The following YY1 variants were observed in gnomAD, a reference collection of about 807,000 sequenced individuals.
YY1 encodes the protein YY1 transcription factor, also known as transcriptional repressor protein YY1.
A neutral mutation model predicts 35.6 loss-of-function variants in YY1; 2 were observed. The observed-to-expected ratio is 0.06, with a 90% CI of 0.02 to 0.18. YY1 has a LOEUF of 0.18. Ranked by LOEUF, YY1 falls within the 10% of genes least tolerant of loss-of-function variation. The pLI is 1.00. For missense variants in YY1, 322 were observed against 573.4 expected (o/e 0.56, Z 4.48); for synonymous variants, 268 against 238.9 (o/e 1.12, Z -1.12).
intron 1 of YY1, among the ~76,000 whole-genome samples, chr14:100,252,130 G>GC (rs1007456872): frequency 4.0e-4 from 61 of 152,308 alleles, no homozygotes; most frequent in African/African-American, 1.3e-3. Flanking sequence ...TTTGCTTGGA[G>GC]CGTGGAGGGC....
At chr14:100,246,207 A>G (rs1890830831) in intron 1 of YY1, among the ~76,000 whole-genome samples, 1 of 152,156 alleles carries the variant, frequency 6.6e-6, no homozygotes, top group Admixed American at 6.5e-5. Context: ...CCATTTCCAT[A>G]CATGGGTTTT....
intron 1 of YY1, among the ~76,000 whole-genome samples, chr14:100,255,786 C>T (rs1209575931): frequency 6.6e-6 from 1 of 152,182 alleles, no homozygotes; most frequent in African/African-American, 2.4e-5. Flanking sequence ...GCACTTGATA[C>T]GTCACTGAGT....
chr14:100,243,643 AC>A (rs1172238410), intron 1 of YY1, among the ~76,000 whole-genome samples: 3 of 151,688 alleles, frequency 2.0e-5, no homozygotes, highest in Admixed American at 2.0e-4. Context: ...AAAACAAAAA[AC>A]CCCACAAAAA....
chr14:100,246,307 G>A (rs770122552), intron 1 of YY1, among the ~76,000 whole-genome samples: 4 of 152,190 alleles, frequency 2.6e-5, no homozygotes, highest in African/African-American at 7.2e-5. Context: ...ATTCTGTCCC[G>A]TGCCAGTCAG....
chr14:100,242,949 C>G (rs1006520673), intron 1 of YY1, among the ~76,000 whole-genome samples: 1 of 152,112 alleles, frequency 6.6e-6, no homozygotes, highest in African/African-American at 2.4e-5. Flanking sequence ...GGTTGTCTAG[C>G]TAGTGTGGTA....
chr14:100,271,075 G>A lies in YY1; in HGVS notation c.843-3623G>A, dbSNP rs1480803569. Among the ~76,000 whole-genome samples, 4 of 152,144 alleles carry A rather than the reference G, an allele frequency of 2.6e-5. No individual in the cohort carries two copies. In the East Asian group the frequency reaches 7.7e-4, roughly 29 times the overall value. On this transcript the variant is annotated intron_variant, in intron 2 of 4. Coordinates refer to ENST00000262238, the MANE Select transcript of YY1 (RefSeq NM_003403.5). ...CCTGGCTAACACGGTAAGAAACCCC[G>A]TCTCTGCTAAAAATACAAAATATTA...
rs1009573333 is a variant in YY1, at chr14:100,280,286, T to G, written c.*2686T>G. The G allele has an allele frequency of 6.6e-6, 1 of 152,232 alleles. No homozygotes were observed. Among genetic ancestry groups the G allele is most frequent in the African/African-American group, 2.4e-5 (1 of 41,454 alleles). The allele number at this position is 152,232 out of a possible 1,614,324, so 9.4% of individuals were successfully genotyped here. A position where few individuals can be genotyped will look rare whatever the true frequency, so the allele number is the denominator to read the frequency against. On this transcript the variant is annotated 3_prime_UTR_variant, in exon 5 of 5. Transcript: ENST00000262238. ...GTGAGTCCATTGTCTTGAGGATTAA[T>G]CTGATTTATAAGTAATACTGATAGA...
At chr14:100,251,312 G>A (rs1890921103) in intron 1 of YY1, among the ~76,000 whole-genome samples, 1 of 152,220 alleles carries the variant, frequency 6.6e-6, no homozygotes, top group Admixed American at 6.5e-5. Flanking sequence ...GTGAAGAGAA[G>A]GGGTCAAGGA....
At chr14:100,240,343 G>A (rs1890714184) in intron 1 of YY1, among the ~76,000 whole-genome samples, 1 of 147,964 alleles carries the variant, frequency 6.8e-6, no homozygotes, top group South Asian at 2.1e-4. Context: ...GCGGGGCTGC[G>A]CCGCGGCCTC....
chr14:100,248,570 A>G lies in YY1; in HGVS notation c.679+8647A>G, dbSNP rs116251554. The stretch of plus-strand genomic sequence containing the variant: ...GCACTGGCTATTCACAGGTGTGATC[A>G]TTGTGCGCTACAGCCTTGAACTCCT... On this transcript the variant is annotated intron_variant, in intron 1 of 4. Coordinates refer to ENST00000262238, the MANE Select transcript of YY1 (RefSeq NM_003403.5). Among the ~76,000 whole-genome samples, 1,102 of 150,512 alleles carry G rather than the reference A, an allele frequency of 7.3e-3. 14 individuals are homozygous for G. Among genetic ancestry groups the G allele is most frequent in the African/African-American group, 0.026 (1,055 of 40,836 alleles).
rs1406837935 is a variant in YY1 at position 100,270,588 on chromosome 14, A to G, written c.843-4110A>G. On this transcript the variant is annotated intron_variant, in intron 2 of 4. Transcript: ENST00000262238. ...CAGTGAGCCAAGATCAAACCACTTC[A>G]CTCCAGCCTGGGCAAAAGAGTGAAA... Among the ~76,000 whole-genome samples, 3 of 152,132 alleles carry G rather than the reference A, an allele frequency of 2.0e-5. No homozygotes were observed. The East Asian group carries it at 5.8e-4, about 29-fold the overall frequency.
At chr14:100,247,271 A>G (rs1890847421) in intron 1 of YY1, among the ~76,000 whole-genome samples, 1 of 152,046 alleles carries the variant, frequency 6.6e-6, no homozygotes, top group Non-Finnish European at 1.5e-5. Flanking sequence ...GTTACTTAGT[A>G]TTTGCATTCT....
Position 100,281,124 on chromosome 14 carries a change from C to T in YY1, c.*3524C>T, listed in dbSNP as rs1891421946. The stretch of plus-strand genomic sequence containing the variant: ...AATTCTACCCACCTCCCCCCACCCC[C>T]GACTATAGGCAAAGAGAGTTGATCA... On this transcript the variant is annotated 3_prime_UTR_variant, in exon 5 of 5. Coordinates refer to ENST00000262238, the MANE Select transcript of YY1 (RefSeq NM_003403.5). 1.3e-5 allele frequency: 2 copies of T among 151,220 alleles called. No homozygotes were observed. Among genetic ancestry groups the T allele is most frequent in the East Asian group, 1.9e-4 (1 of 5,186 alleles). 9.4% of individuals were successfully genotyped at this position (151,220 alleles called of 1,614,324 possible). A position where few individuals can be genotyped will look rare whatever the true frequency, so the allele number is the denominator to read the frequency against.
intron 1 of YY1, among the ~76,000 whole-genome samples, chr14:100,251,628 G>T (rs1461556032): frequency 6.6e-6 from 1 of 152,106 alleles, no homozygotes; most frequent in Admixed American, 6.5e-5. Flanking sequence ...TAGGAGAGGG[G>T]GGAAGTGGAA....
intron 1 of YY1, among the ~76,000 whole-genome samples, chr14:100,244,596 T>A (rs1890803489): frequency 6.6e-6 from 1 of 151,652 alleles, no homozygotes; most frequent in Admixed American, 6.6e-5. Context: ...TTACTTTTTT[T>A]TTTTGAGGCA....
In YY1 at chr14:100,239,277, G is replaced by A. The variant is rs1228333211; in HGVS notation, c.33G>A (p.Thr11=). Residue 11 remains threonine, a synonymous_variant, in exon 1 of 5, where the codon ACG becomes ACA. Coordinates refer to ENST00000262238, the MANE Select transcript of YY1 (RefSeq NM_003403.5). ...CGGGCGACACCCTCTACATCGCCACGGACGGCTCGGAGATGCCGGCCGAGA... is the reference window on the plus strand; with the variant it reads ...CGGGCGACACCCTCTACATCGCCACAGACGGCTCGGAGATGCCGGCCGAGA... MASGDTLYIA[T]DGSEMPAEIV... 6.3e-7 allele frequency: 1 copy of A among 1,587,226 alleles called. No homozygotes were observed. Among genetic ancestry groups the A allele is most frequent in the Non-Finnish European group, 8.6e-7 (1 of 1,168,876 alleles).
chr14:100,242,974 T>G (rs1890773937), intron 1 of YY1, among the ~76,000 whole-genome samples: 1 of 152,196 alleles, frequency 6.6e-6, no homozygotes, highest in African/African-American at 2.4e-5. Context: ...ACGCTGTGCA[T>G]AAGGGTAGTT....
chr14:100,263,842 A>AC (rs1166193645), intron 2 of YY1: 1 of 151,690 alleles, frequency 6.6e-6, no homozygotes. Context: ...TCGTTTCCCC[A>AC]CCTGTCAAAT....
At chr14:100,271,899 T>A (rs1439430223) in intron 2 of YY1, among the ~76,000 whole-genome samples, 2 of 152,134 alleles carry the variant, frequency 1.3e-5, no homozygotes, top group Non-Finnish European at 2.9e-5. Context: ...GAAACAAAGT[T>A]TTCACTGTGA....
Sources: allele counts gnomAD v4.1 joint callset (sites outside exome capture counted in the v4.1 genomes callset), GRCh38; gene constraint gnomAD v4.1.1; transcripts MANE v1.5; gene names NCBI Gene and HGNC (gene_info 2026-07-23, HGNC 2026-07-21).